PBX1: variants seen among roughly 807,000 people sequenced by gnomAD.
PBX1 encodes the protein PBX homeobox 1.
A neutral mutation model predicts 53.4 loss-of-function variants in PBX1; 6 were observed. That is an observed-to-expected ratio of 0.11 (90% CI 0.06 to 0.22). The LOEUF is 0.22. PBX1 is among the 10% of genes least tolerant of loss of function. PBX1 has a pLI of 1.00. For synonymous variants in PBX1, 204 were observed against 212.3 expected (o/e 0.96, Z 0.34); for missense variants, 251 against 551.4 (o/e 0.46, Z 5.46).
At chr1:164,760,202 C>A (rs114819854) in intron 2 of PBX1, among the ~76,000 whole-genome samples, 2,573 of 152,298 alleles carry the variant, frequency 0.017, 37 homozygotes, top group Non-Finnish European at 0.024. Context: ...TACCATGTCA[C>A]ACATTCAGCA....
At chr1:164,701,139 T>G (rs1433065374) in intron 2 of PBX1, among the ~76,000 whole-genome samples, 1 of 147,898 alleles carries the variant, frequency 6.8e-6, no homozygotes. Flanking sequence ...CCTTTTTGCA[T>G]TTTTTTTTCC....
intron 5 of PBX1, among the ~76,000 whole-genome samples, chr1:164,811,053 A>T (rs1344816579): frequency 1.3e-5 from 2 of 152,178 alleles, no homozygotes; most frequent in South Asian, 2.1e-4. Flanking sequence ...TACATGTGGG[A>T]TCAACTCCCC....
In PBX1 at chr1:164,566,125, G is replaced by A. The variant is rs374979462; in HGVS notation, c.265+2814G>A. Among the ~76,000 whole-genome samples, 30 of 152,232 alleles carry A rather than the reference G, an allele frequency of 2.0e-4. 1 individual carries two copies. The South Asian group carries it at 2.9e-3, about 15-fold the overall frequency. ...AATAGATACAAAAACTGGCTAAGAT[G>A]TATTACCAACCTTTTGGAACTTTAA... On this transcript the variant is annotated intron_variant, in intron 2 of 8. Coordinates refer to ENST00000420696, the MANE Select transcript of PBX1 (RefSeq NM_002585.4).
At chr1:164,843,654 C>T (rs1671417197) in intron 8 of PBX1, among the ~76,000 whole-genome samples, 1 of 152,134 alleles carries the variant, frequency 6.6e-6, no homozygotes, top group Non-Finnish European at 1.5e-5. Flanking sequence ...TAATATAATG[C>T]TGGTTTTGAG....
intron 2 of PBX1, among the ~76,000 whole-genome samples, chr1:164,677,777 G>A (rs190821859): frequency 3.9e-4 from 59 of 152,154 alleles, no homozygotes; most frequent in African/African-American, 1.4e-3. Flanking sequence ...AAGGAAGCAC[G>A]GAAGTACTTT....
At chr1:164,777,956 C>T (rs577912748) in intron 2 of PBX1, among the ~76,000 whole-genome samples, 16 of 152,264 alleles carry the variant, frequency 1.1e-4, no homozygotes, top group African/African-American at 3.9e-4. Flanking sequence ...TTATATATAC[C>T]TTTGACAACC....
At chr1:164,656,272 G>C (rs1466514965) in intron 2 of PBX1, among the ~76,000 whole-genome samples, 1 of 152,112 alleles carries the variant, frequency 6.6e-6, no homozygotes, top group East Asian at 1.9e-4. Flanking sequence ...AACAGCAAAA[G>C]CACTTCTGTC....
chr1:164,801,859 T>C (rs554714177), intron 4 of PBX1, among the ~76,000 whole-genome samples: 2 of 152,380 alleles, frequency 1.3e-5, no homozygotes, highest in East Asian at 1.9e-4. Flanking sequence ...AGCCTAAGGC[T>C]GAGCAAATGG....
intron 2 of PBX1, among the ~76,000 whole-genome samples, chr1:164,694,383 C>T (rs1460906091): frequency 6.6e-6 from 1 of 152,202 alleles, no homozygotes; most frequent in African/African-American, 2.4e-5. Flanking sequence ...TGTGATCTCA[C>T]TGAGGACAGA....
At chr1:164,803,267 A>G (rs1669176195) in intron 4 of PBX1, among the ~76,000 whole-genome samples, 1 of 152,266 alleles carries the variant, frequency 6.6e-6, no homozygotes, top group African/African-American at 2.4e-5. Context: ...ACTACACAGA[A>G]CACCACATGT....
intron 2 of PBX1, among the ~76,000 whole-genome samples, chr1:164,600,421 G>A (rs968133191): frequency 6.6e-6 from 1 of 151,898 alleles, no homozygotes; most frequent in African/African-American, 2.4e-5. Flanking sequence ...GCTGATTTTT[G>A]TATTTTTAGT....
intron 3 of PBX1, among the ~76,000 whole-genome samples, chr1:164,793,872 C>CCTTTCTTTTTTTTTTTT (rs1553247240): frequency 1.3e-5 from 1 of 78,220 alleles, no homozygotes; most frequent in Non-Finnish European, 2.5e-5. Context: ...TTTTTCCTTT[C>CCTTTCTTTTTTTTTTTT]TTTTTTTTTT....
intron 2 of PBX1, among the ~76,000 whole-genome samples, chr1:164,588,457 T>G (rs1270892840): frequency 8.0e-6 from 1 of 124,558 alleles, no homozygotes; most frequent in Non-Finnish European, 1.6e-5. Flanking sequence ...AAAAGAGAAA[T>G]ACACTCCGGA....
chr1:164,819,087 C>T (rs984661677), intron 6 of PBX1: 3 of 152,194 alleles, frequency 2.0e-5, no homozygotes, highest in Non-Finnish European at 4.4e-5. Flanking sequence ...AAACCTTGCA[C>T]GTTGAGCTTT....
At chr1:164,852,861 C>G (rs1000435811), downstream of PBX1, among the ~76,000 whole-genome samples, 2 of 152,178 alleles carry the variant, frequency 1.3e-5, no homozygotes, top group African/African-American at 2.4e-5. Context: ...CTCGTGTTCT[C>G]TCTTCAAATC....
intron 2 of PBX1, among the ~76,000 whole-genome samples, chr1:164,589,413 T>C (rs1655202143): frequency 6.6e-6 from 1 of 152,044 alleles, no homozygotes; most frequent in Non-Finnish European, 1.5e-5. Context: ...CTGTGGTGTC[T>C]TTTCCTGAAA....
intron 2 of PBX1, among the ~76,000 whole-genome samples, chr1:164,776,935 G>A (rs71628349): frequency 0.034 from 3,359 of 98,128 alleles, 94 homozygotes; most frequent in East Asian, 0.14. Flanking sequence ...GTGTGTGTGT[G>A]GTGGGAGGAG....
At chr1:164,706,499 CTTG>C (rs1318977482) in intron 2 of PBX1, among the ~76,000 whole-genome samples, 2 of 152,152 alleles carry the variant, frequency 1.3e-5, no homozygotes, top group Non-Finnish European at 2.9e-5. Context: ...CATAATATAT[CTTG>C]TTAGAGTTTT....
chr1:164,847,631 A>T lies in PBX1; in HGVS notation c.*955A>T, dbSNP rs1221247789. ...TATGCCTTCATAGACACACACGTTC[A>T]TGCACATGTAGGCACATGTACCATC... On this transcript the variant is annotated 3_prime_UTR_variant, in exon 9 of 9. Coordinates refer to ENST00000420696, the MANE Select transcript of PBX1 (RefSeq NM_002585.4). 2 of 1,061,626 alleles carry T rather than the reference A, an allele frequency of 1.9e-6. No homozygotes were observed. Among genetic ancestry groups the T allele is most frequent in the Non-Finnish European group, 2.3e-6 (2 of 877,018 alleles). The allele number at this position is 1,061,626 out of a possible 1,614,324, so 65.8% of individuals were successfully genotyped here.
Sources: allele counts gnomAD v4.1 joint callset (sites outside exome capture counted in the v4.1 genomes callset), GRCh38; gene constraint gnomAD v4.1.1; transcripts MANE v1.5; gene names NCBI Gene and HGNC (gene_info 2026-07-23, HGNC 2026-07-21).